RSPRY1: variants seen among roughly 807,000 people sequenced by gnomAD.
RSPRY1 encodes ring finger and SPRY domain containing 1.
A neutral mutation model predicts 73.1 loss-of-function variants in RSPRY1; 23 were observed. The observed-to-expected ratio is 0.31, with a 90% CI of 0.23 to 0.45. The LOEUF is 0.45. Among genes scored for constraint, RSPRY1 ranks in the 20% least tolerant of loss-of-function variants. RSPRY1 has a pLI of 1.00. For missense variants in RSPRY1, 448 were observed against 698.7 expected (o/e 0.64, Z 4.05); for synonymous variants, 226 against 251.4 (o/e 0.90, Z 0.95).
At chr16:57,236,763 AT>A (rs1205770620) in intron 14 of RSPRY1, among the ~76,000 whole-genome samples, 1 of 152,162 alleles carries the variant, frequency 6.6e-6, no homozygotes, top group Non-Finnish European at 1.5e-5. Flanking sequence ...AGAAAAAACT[AT>A]TTTTTTATGA....
chr16:57,187,418 T>C (rs1356521095), intron 1 of RSPRY1, among the ~76,000 whole-genome samples: 1 of 152,210 alleles, frequency 6.6e-6, no homozygotes, highest in African/African-American at 2.4e-5. Context: ...TGTTGTACTT[T>C]GAACTTTGAA....
intron 7 of RSPRY1, 47 bp from the exon 8 acceptor site, chr16:57,216,857 A>G: frequency 6.3e-7 from 1 of 1,585,708 alleles, no homozygotes; most frequent in Non-Finnish European, 8.7e-7. Flanking sequence ...TGAGCAAATC[A>G]TTCTACCCTT....
intron 1 of RSPRY1, among the ~76,000 whole-genome samples, chr16:57,200,815 C>G (rs1250133158): frequency 1.5e-5 from 2 of 135,968 alleles, no homozygotes; most frequent in South Asian, 2.4e-4. Flanking sequence ...CCTTCCCGGA[C>G]GGGGCGGCTG....
intron 8 of RSPRY1, 30 bp downstream of exon 8, chr16:57,217,065 T>G: frequency 6.2e-7 from 1 of 1,613,302 alleles, no homozygotes; most frequent in Non-Finnish European, 8.5e-7. Context: ...TATTAAAATG[T>G]CCGTTTCCAT....
chr16:57,215,619 C>T (rs985615001), intron 6 of RSPRY1, among the ~76,000 whole-genome samples: 3 of 152,154 alleles, frequency 2.0e-5, no homozygotes, highest in African/African-American at 7.2e-5. Flanking sequence ...TGTAGAATTC[C>T]TTTCAGGGAA....
In RSPRY1 at chr16:57,209,204, C is replaced by A. The variant is rs776405694; in HGVS notation, c.516+17C>A. On this transcript the variant is annotated intron_variant, in intron 4 of 14. Coordinates refer to ENST00000394420, the MANE Select transcript of RSPRY1 (RefSeq NM_133368.3). ...CCCACTAAAGTAAGTTAATACTTAT[C>A]TTTTATGAAACTATCATTTGTGCTT... The A allele has an allele frequency of 1.4e-6, 2 of 1,464,292 alleles. No homozygotes were observed. 90.7% of individuals were successfully genotyped at this position (1,464,292 alleles called of 1,614,324 possible).
chr16:57,207,243 G>A (rs1158954292), intron 2 of RSPRY1, among the ~76,000 whole-genome samples: 3 of 152,088 alleles, frequency 2.0e-5, no homozygotes, highest in Middle Eastern at 3.4e-3. Flanking sequence ...CACCTAATGA[G>A]TACCTGAAAT....
chr16:57,234,117 C>T lies in RSPRY1; in HGVS notation c.1530-1007C>T, dbSNP rs147286854. 1.5e-3 allele frequency among the ~76,000 whole-genome samples: 236 copies of T among 152,308 alleles called. 2 individuals carry two copies. Among genetic ancestry groups the T allele is most frequent in the African/African-American group, 5.1e-3 (211 of 41,544 alleles). On this transcript the variant is annotated intron_variant, in intron 13 of 14. Transcript: ENST00000394420. ...ACTTTTCTGACCTATTTCCTACCCT[C>T]TCCCGTTTTCTCATGCTCCTTCAGC... is the stretch of plus-strand genomic sequence containing the variant.
At chr16:57,216,603 C>A in intron 7 of RSPRY1, 1 of 380,332 alleles carries the variant, frequency 2.6e-6, no homozygotes, top group South Asian at 3.0e-5. Context: ...ACCTATGTTC[C>A]TAGCTACTTG....
intron 2 of RSPRY1, among the ~76,000 whole-genome samples, chr16:57,205,692 A>G (rs2074711840): frequency 6.6e-6 from 1 of 152,258 alleles, no homozygotes; most frequent in African/African-American, 2.4e-5. Flanking sequence ...CAAAGCTTAG[A>G]ACCATGATGG....
chr16:57,209,333 T>C, intron 4 of RSPRY1, 146 bp downstream of exon 4: 1 of 573,072 alleles, frequency 1.7e-6, no homozygotes, highest in Non-Finnish European at 3.0e-6. Context: ...TGTAAATTTA[T>C]TTTGTATTAT....
intron 1 of RSPRY1, among the ~76,000 whole-genome samples, chr16:57,200,193 C>T (rs1251158527): frequency 2.0e-5 from 3 of 148,614 alleles, no homozygotes; most frequent in African/African-American, 7.5e-5. Context: ...GTGGACACAG[C>T]ACATGTTTCA....
intron 10 of RSPRY1, among the ~76,000 whole-genome samples, chr16:57,222,900 A>G (rs2075061848): frequency 6.6e-6 from 1 of 152,210 alleles, no homozygotes; most frequent in Non-Finnish European, 1.5e-5. Context: ...TTTAATGACC[A>G]GTGAAGCTGG....
intron 10 of RSPRY1, among the ~76,000 whole-genome samples, chr16:57,226,817 C>T (rs1214685186): frequency 6.6e-6 from 1 of 152,180 alleles, no homozygotes; most frequent in Non-Finnish European, 1.5e-5. Context: ...CTTGGGAATG[C>T]AGCTGAGCAG....
intron 1 of RSPRY1, among the ~76,000 whole-genome samples, chr16:57,198,082 C>T (rs2074485105): frequency 6.6e-6 from 1 of 151,834 alleles, no homozygotes; most frequent in Non-Finnish European, 1.5e-5. Flanking sequence ...ATCATCCAAT[C>T]ACCTTAAAAT....
intron 1 of RSPRY1, among the ~76,000 whole-genome samples, chr16:57,187,256 C>T (rs1340879293): frequency 1.3e-5 from 2 of 152,130 alleles, no homozygotes; most frequent in Admixed American, 6.5e-5. Flanking sequence ...CCACCAACAC[C>T]CCTTGCGTGA....
intron 8 of RSPRY1, chr16:57,220,263 A>G (rs1400750993): frequency 6.5e-6 from 1 of 154,118 alleles, no homozygotes; most frequent in Non-Finnish European, 1.4e-5. Flanking sequence ...GGACATTTTA[A>G]CAATATTGAG....
At chr16:57,230,883 G>A in intron 12 of RSPRY1, 70 bp downstream of exon 12, 1 of 930,410 alleles carries the variant, frequency 1.1e-6, no homozygotes, top group Non-Finnish European at 1.7e-6. Context: ...GAAAAAAAAA[G>A]TCTTTGTCCA....
At chr16:57,193,213 A>T (rs529944135) in intron 1 of RSPRY1, among the ~76,000 whole-genome samples, 1 of 152,312 alleles carries the variant, frequency 6.6e-6, no homozygotes, top group East Asian at 1.9e-4. Context: ...AGGCAAGTAA[A>T]AACGCCTCAT....
Sources: gnomAD v4.1 joint callset for allele counts (sites outside exome capture counted in the v4.1 genomes callset) on GRCh38, gnomAD v4.1.1 for gene constraint, MANE v1.5 for transcripts, NCBI Gene and HGNC (gene_info 2026-07-23, HGNC 2026-07-21) for gene names.